ATG4C: variants seen among roughly 807,000 people sequenced by gnomAD.
ATG4C encodes autophagy related 4C cysteine peptidase.
A neutral mutation model predicts 57.6 loss-of-function variants in ATG4C; 56 were observed. The observed-to-expected ratio is 0.97, with a 90% CI of 0.78 to 1.21. The LOEUF (loss-of-function observed/expected upper bound fraction) is 1.21, where lower values mean the gene tolerates loss of function less well. Among genes scored for constraint, ATG4C ranks in the 50% most tolerant of loss-of-function variants. The pLI, the probability that ATG4C is intolerant of heterozygous loss-of-function variation, is 0.00. For synonymous variants in ATG4C, 157 were observed against 174.1 expected (o/e 0.90, Z 0.78); for missense variants, 595 against 529.8 (o/e 1.12, Z -1.21).
intron 6 of ATG4C, among the ~76,000 whole-genome samples, chr1:62,828,610 A>G (rs1665742469): frequency 6.6e-6 from 1 of 152,156 alleles, no homozygotes; most frequent in Non-Finnish European, 1.5e-5. Flanking sequence ...TTATCTGTTT[A>G]CTATTTTGAT....
chr1:62,805,885 CT>C (rs1664861372), intron 3 of ATG4C, among the ~76,000 whole-genome samples: 1 of 152,130 alleles, frequency 6.6e-6, no homozygotes, highest in Admixed American at 6.5e-5. Flanking sequence ...TAAACCAAGA[CT>C]GTGTCTCTAA....
At chr1:62,796,340 T>G (rs1664466968) in intron 1 of ATG4C, among the ~76,000 whole-genome samples, 1 of 151,968 alleles carries the variant, frequency 6.6e-6, no homozygotes, top group Middle Eastern at 3.2e-3. Flanking sequence ...TTACTTTTTC[T>G]CTTTCCAAAT....
chr1:62,802,596 G>A (rs550908284), intron 1 of ATG4C, among the ~76,000 whole-genome samples: 17 of 152,010 alleles, frequency 1.1e-4, no homozygotes, highest in African/African-American at 3.9e-4. Flanking sequence ...TGCTATTGAA[G>A]TAAAACAAAC....
intron 9 of ATG4C, among the ~76,000 whole-genome samples, chr1:62,838,859 A>G (rs1666081294): frequency 6.6e-6 from 1 of 152,062 alleles, no homozygotes; most frequent in Non-Finnish European, 1.5e-5. Flanking sequence ...GCAATACCCA[A>G]TATCAGTTTA....
chr1:62,843,948 A>G (rs1462040686), intron 10 of ATG4C, among the ~76,000 whole-genome samples: 2 of 152,356 alleles, frequency 1.3e-5, no homozygotes, highest in African/African-American at 4.8e-5. Flanking sequence ...CATCTAAGTC[A>G]AAGTACTTTA....
At chr1:62,847,102 G>A (rs188496089) in intron 10 of ATG4C, among the ~76,000 whole-genome samples, 150 of 152,304 alleles carry the variant, frequency 9.8e-4, no homozygotes, top group African/African-American at 3.4e-3. Flanking sequence ...ACTTGAACCC[G>A]GGAGGTGGAG....
intron 6 of ATG4C, among the ~76,000 whole-genome samples, chr1:62,823,038 C>T (rs1313489806): frequency 6.6e-6 from 1 of 152,122 alleles, no homozygotes; most frequent in East Asian, 1.9e-4. Flanking sequence ...TGCCTGTAGT[C>T]CCAGCTACTC....
At chr1:62,789,704 T>C (rs1024711605) in intron 1 of ATG4C, among the ~76,000 whole-genome samples, 1 of 151,820 alleles carries the variant, frequency 6.6e-6, no homozygotes, top group South Asian at 2.1e-4. Flanking sequence ...GTAGTCCCAG[T>C]TACTAGGGAG....
At chr1:62,841,658 T>TGTTA (rs1197213845) in intron 10 of ATG4C, 111 bp downstream of exon 10, 2 of 912,524 alleles carry the variant, frequency 2.2e-6, no homozygotes, top group Non-Finnish European at 3.1e-6. Flanking sequence ...TCCTCTTGAA[T>TGTTA]GTTAATATTA....
chr1:62,821,702 A>G (rs918100141), intron 6 of ATG4C, among the ~76,000 whole-genome samples: 2 of 151,978 alleles, frequency 1.3e-5, no homozygotes, highest in Admixed American at 1.3e-4. Flanking sequence ...AGTATTTTTT[A>G]TCCAAAATGT....
intron 10 of ATG4C, among the ~76,000 whole-genome samples, chr1:62,851,598 A>G (rs992616419): frequency 6.6e-6 from 1 of 152,218 alleles, no homozygotes; most frequent in African/African-American, 2.4e-5. Flanking sequence ...TTGTCACAGA[A>G]GCATCACCAA....
At chr1:62,835,823 G>A (rs1169697253) in intron 9 of ATG4C, among the ~76,000 whole-genome samples, 5 of 152,008 alleles carry the variant, frequency 3.3e-5, no homozygotes, top group Non-Finnish European at 7.4e-5. Context: ...ATATTTGCTA[G>A]TTGACTGATT....
chr1:62,850,349 C>T (rs1228972742), intron 10 of ATG4C, among the ~76,000 whole-genome samples: 9 of 152,144 alleles, frequency 5.9e-5, no homozygotes, highest in African/African-American at 2.2e-4. Flanking sequence ...ACTGATCTCC[C>T]TTGCTCTGTC....
In ATG4C at chr1:62,787,615, G is replaced by A. The variant is rs141111191; in HGVS notation, c.-69+3342G>A. On this transcript the variant is annotated intron_variant, in intron 1 of 10. Coordinates refer to ENST00000317868, the MANE Select transcript of ATG4C (RefSeq NM_032852.4). Reference sequence around the variant, plus strand: ...TTACATTTCTTAGTAAAGTGGTAGAGTGTATAGAGCAAAGAGACTTTGGTG... The same window carrying A: ...TTACATTTCTTAGTAAAGTGGTAGAATGTATAGAGCAAAGAGACTTTGGTG... 7.3e-3 allele frequency among the ~76,000 whole-genome samples: 1,113 copies of A among 152,228 alleles called. 11 individuals carry two copies. The highest frequency in any genetic ancestry group is 0.011 in the Non-Finnish European group (729 of 67,998).
At chr1:62,815,749 A>G (rs1044801361) in intron 3 of ATG4C, among the ~76,000 whole-genome samples, 4 of 152,210 alleles carry the variant, frequency 2.6e-5, no homozygotes, top group Non-Finnish European at 5.9e-5. Flanking sequence ...CAGTGGCACG[A>G]TCTTGGCTCA....
intron 10 of ATG4C, among the ~76,000 whole-genome samples, chr1:62,853,000 A>G (rs1666565792): frequency 6.6e-6 from 1 of 152,118 alleles, no homozygotes; most frequent in Admixed American, 6.5e-5. Context: ...TTGCTGGAGC[A>G]TATTTTCTAG....
intron 6 of ATG4C, among the ~76,000 whole-genome samples, chr1:62,825,434 G>C (rs1665620032): frequency 6.6e-6 from 1 of 152,016 alleles, no homozygotes; most frequent in Admixed American, 6.6e-5. Context: ...CTACTCTGTA[G>C]ATTTTCCCTC....
intron 3 of ATG4C, 23 bp downstream of exon 3, chr1:62,805,278 A>C: frequency 6.8e-7 from 1 of 1,481,298 alleles, no homozygotes; most frequent in Non-Finnish European, 8.9e-7. Context: ...TTTGTAAACC[A>C]TTTAAAAATT....
At chr1:62,802,877 A>G (rs1368673202) in intron 1 of ATG4C, among the ~76,000 whole-genome samples, 4 of 152,210 alleles carry the variant, frequency 2.6e-5, no homozygotes, top group African/African-American at 9.7e-5. Context: ...TTTAATACAT[A>G]TTATAAAATG....
Sources: gnomAD v4.1 joint callset for allele counts (sites outside exome capture counted in the v4.1 genomes callset) on GRCh38, gnomAD v4.1.1 for gene constraint, MANE v1.5 for transcripts, NCBI Gene and HGNC (gene_info 2026-07-23, HGNC 2026-07-21) for gene names.